The following CTBP2 variants were observed in gnomAD, a reference collection of about 807,000 sequenced individuals.
CTBP2 encodes the protein C-terminal binding protein 2, also known as C-terminal-binding protein 2.
CTBP2 carries 30 observed loss-of-function variants against 80.3 expected under a neutral mutation model. That is an observed-to-expected ratio of 0.37 (90% CI 0.28 to 0.51). CTBP2 has a LOEUF of 0.51. Among genes scored for constraint, CTBP2 ranks in the 20% least tolerant of loss-of-function variants. The pLI, the probability that CTBP2 is intolerant of heterozygous loss-of-function variation, is 0.93. For missense variants in CTBP2, 1,212 were observed against 1,375.3 expected (o/e 0.88, Z 1.88); for synonymous variants, 594 against 587.4 (o/e 1.01, Z -0.16).
chr10:125,147,483 A>C (rs1858999899), intron 1 of CTBP2, among the ~76,000 whole-genome samples: 1 of 152,224 alleles, frequency 6.6e-6, no homozygotes, highest in South Asian at 2.1e-4. Flanking sequence ...AACAGTTTTC[A>C]GTTCATTGCT....
At chr10:125,047,144 T>A (rs1961465586) in intron 2 of CTBP2, among the ~76,000 whole-genome samples, 2 of 151,844 alleles carry the variant, frequency 1.3e-5, no homozygotes, top group Non-Finnish European at 2.9e-5. Flanking sequence ...TTAATAGTGT[T>A]ATTTAATAAT....
At chr10:125,124,022 G>A (rs1285537314) in intron 1 of CTBP2, among the ~76,000 whole-genome samples, 1 of 152,250 alleles carries the variant, frequency 6.6e-6, no homozygotes, top group African/African-American at 2.4e-5. Context: ...AAACTACAGA[G>A]CAGGCTGGAA....
intron 1 of CTBP2, among the ~76,000 whole-genome samples, chr10:125,155,291 G>A (rs563944974): frequency 4.5e-4 from 69 of 152,308 alleles, no homozygotes; most frequent in South Asian, 2.5e-3. Context: ...TTCTCCAGCA[G>A]TCAGAAGAAT....
At chr10:125,020,666 C>A (rs191662182) in intron 1 of CTBP2, among the ~76,000 whole-genome samples, 1 of 152,194 alleles carries the variant, frequency 6.6e-6, no homozygotes, top group African/African-American at 2.4e-5. Context: ...CCACGCCCGG[C>A]AGAAATCATT....
At position 125,066,496 on chromosome 10, in the gene CTBP2, GCT is replaced by G. The variant is rs1844654932; in HGVS notation, c.-101-27343_-101-27342del. Among the ~76,000 whole-genome samples, 1 of 152,224 alleles carries G rather than the reference GCT, an allele frequency of 6.6e-6. No homozygotes were observed. ...GGCACGGCCAAGCACCCTAGAAAGT[GCT>G]GTCATGTTTCGTACAGGAGCCTGCT... On this transcript the variant is annotated intron_variant, in intron 2 of 10. Coordinates refer to the CTBP2 transcript ENST00000337195. This position sits in a 1 kb window ranked among gnomAD's most constrained non-coding sequence, Gnocchi z 4.1.
chr10:125,105,333 A>G (rs1374192313), intron 2 of CTBP2, among the ~76,000 whole-genome samples: 3 of 152,192 alleles, frequency 2.0e-5, no homozygotes, highest in African/African-American at 7.2e-5. Flanking sequence ...AAATTTTTTT[A>G]TAGAGATGGG....
chr10:125,034,544 A>G (rs1233605200), intron 3 of CTBP2, among the ~76,000 whole-genome samples: 1 of 152,204 alleles, frequency 6.6e-6, no homozygotes, highest in Non-Finnish European at 1.5e-5. Flanking sequence ...CCCAACATAT[A>G]ATTATAATGT....
intron 1 of CTBP2, among the ~76,000 whole-genome samples, chr10:125,007,036 G>A (rs1048428006): frequency 5.9e-5 from 9 of 152,272 alleles, no homozygotes; most frequent in African/African-American, 2.2e-4. Context: ...CACGAGGTAT[G>A]AGGAGACACT....
At chr10:125,045,089 G>A (rs1445094830) in intron 2 of CTBP2, among the ~76,000 whole-genome samples, 1 of 152,168 alleles carries the variant, frequency 6.6e-6, no homozygotes, top group African/African-American at 2.4e-5. Context: ...GTATCTGGGT[G>A]CTGGGCCTCT....
At chr10:124,994,971 AAC>A (rs1467140025) in intron 4 of CTBP2, among the ~76,000 whole-genome samples, 4 of 152,238 alleles carry the variant, frequency 2.6e-5, no homozygotes, top group South Asian at 2.1e-4. Flanking sequence ...GACATTTTCA[AAC>A]ACAGAGTGTT....
chr10:125,052,807 C>T (rs1012787188), intron 2 of CTBP2, among the ~76,000 whole-genome samples: 10 of 152,210 alleles, frequency 6.6e-5, no homozygotes, highest in East Asian at 1.9e-4. Flanking sequence ...GGAGCCCAGA[C>T]GGAGCGCCCA....
chr10:125,017,220 G>A (rs980696513), intron 1 of CTBP2, among the ~76,000 whole-genome samples: 9 of 152,230 alleles, frequency 5.9e-5, no homozygotes, highest in African/African-American at 2.2e-4. Context: ...GGAGGCTGTC[G>A]ACGGGTAGCG....
chr10:125,127,679 C>T, intron 1 of CTBP2, among the ~76,000 whole-genome samples: 1 of 152,176 alleles, frequency 6.6e-6, no homozygotes, highest in Non-Finnish European at 1.5e-5. Context: ...GGCCTGGCAT[C>T]TGTTGGCAGC....
intron 8 of CTBP2, among the ~76,000 whole-genome samples, chr10:124,990,038 A>T (rs919862288): frequency 6.7e-5 from 10 of 150,164 alleles, no homozygotes; most frequent in Admixed American, 6.6e-4. Flanking sequence ...AGGCCTGGCT[A>T]ATAGTTTTTT....
At chr10:125,026,054 G>T (rs1295007443) in intron 1 of CTBP2, 1 of 1,537,348 alleles carries the variant, frequency 6.5e-7, no homozygotes, top group South Asian at 1.3e-5. Flanking sequence ...CAGGTCCCCA[G>T]GCAGGGCAGG....
At chr10:125,073,126 A>G (rs1442097011) in intron 2 of CTBP2, among the ~76,000 whole-genome samples, 2 of 152,256 alleles carry the variant, frequency 1.3e-5, no homozygotes, top group Admixed American at 1.3e-4. Context: ...CAGTGTCTGC[A>G]ATGGCAAGGG....
At chr10:125,159,231 G>C (rs1360662343) in intron 1 of CTBP2, among the ~76,000 whole-genome samples, 2 of 150,584 alleles carry the variant, frequency 1.3e-5, no homozygotes, top group Admixed American at 1.3e-4. Context: ...CTGCCGCCCG[G>C]GGCGCGCCCT....
intron 8 of CTBP2, among the ~76,000 whole-genome samples, chr10:124,990,148 G>A (rs1483743976): frequency 6.6e-6 from 1 of 151,540 alleles, no homozygotes; most frequent in Non-Finnish European, 1.5e-5. Context: ...GGGTTAAAGT[G>A]ATTCTCCTGC....
At chr10:125,130,116 C>T (rs990056751) in intron 1 of CTBP2, among the ~76,000 whole-genome samples, 9 of 150,874 alleles carry the variant, frequency 6.0e-5, no homozygotes, top group African/African-American at 2.0e-4. Flanking sequence ...AGCATGATCT[C>T]GGCTCACTGC....
Sources: allele counts gnomAD v4.1 joint callset (sites outside exome capture counted in the v4.1 genomes callset), GRCh38; gene constraint gnomAD v4.1.1; non-coding constraint Gnocchi (gnomAD v3.1); transcripts MANE v1.5; gene names NCBI Gene and HGNC (gene_info 2026-07-23, HGNC 2026-07-21).